The following ZNF699 variants were observed in gnomAD, a reference collection of about 807,000 sequenced individuals.
ZNF699 encodes the protein zinc finger protein 699.
Under a neutral mutation model 22.5 loss-of-function variants are expected in ZNF699, and 18 were observed. The ratio of observed to expected loss-of-function variants is 0.80; its 90% CI spans 0.55 to 1.19. The LOEUF (loss-of-function observed/expected upper bound fraction) is 1.19, where lower values mean the gene tolerates loss of function less well. Ranked by LOEUF, ZNF699 falls within the 50% of genes most tolerant of loss-of-function variation. The probability of loss-of-function intolerance (pLI) is 0.00; values close to 1 mark genes in which losing one functional copy is unlikely to be tolerated. For missense variants in ZNF699, 670 were observed against 763.4 expected, an observed-to-expected ratio of 0.88 and a Z score of 1.44; for synonymous variants, 241 against 262.3, an observed-to-expected ratio of 0.92 and a Z score of 0.78.
chr19:9,308,431 T>C (rs191186737), intron 1 of ZNF699, among the ~76,000 whole-genome samples: 1 of 152,104 alleles, frequency 6.6e-6, no homozygotes, highest in African/African-American at 2.4e-5. Flanking sequence ...AATGAATTTC[T>C]AGAAAGTAGT....
At chr19:9,307,115 T>C (rs2066330367) in intron 1 of ZNF699, among the ~76,000 whole-genome samples, 2 of 152,114 alleles carry the variant, frequency 1.3e-5, no homozygotes, top group South Asian at 4.1e-4. Context: ...GCAGGAGAAT[T>C]GTGTGAACTC....
At chr19:9,302,589 A>G (rs2144980811) in intron 2 of ZNF699, 85 bp from the exon 3 acceptor site, 1 of 1,420,528 alleles carries the variant, frequency 7.0e-7, no homozygotes, top group East Asian at 2.4e-5. Context: ...AACATCGAGG[A>G]AATGAGAGTC....
At chr19:9,300,308 CT>C (rs2144978839) in intron 3 of ZNF699, among the ~76,000 whole-genome samples, 1 of 152,308 alleles carries the variant, frequency 6.6e-6, no homozygotes, top group South Asian at 2.1e-4. Flanking sequence ...TCTCGATCTC[CT>C]GACCTCGTGA....
intron 3 of ZNF699, among the ~76,000 whole-genome samples, chr19:9,298,896 C>G (rs1039592508): frequency 6.6e-6 from 1 of 152,148 alleles, no homozygotes; most frequent in African/African-American, 2.4e-5. Flanking sequence ...AGTCAGCTGA[C>G]CTTGACAAAA....
chr19:9,302,508 A>C lies in ZNF699; in HGVS notation c.49-4T>G. 6.2e-7 allele frequency: 1 copy of C among 1,605,004 alleles called. No individual in the cohort carries two copies. The highest frequency in any genetic ancestry group is 8.5e-7 in the Non-Finnish European group (1 of 1,175,638). On this transcript the variant is annotated splice_region_variant and splice_polypyrimidine_tract_variant and intron_variant, in intron 2 of 5. Transcript: ENST00000591998. ...CATCCTCAAAGACTACTGAGTCCTA[A>C]AACATACCACAAATTCTGTTCAGAA...
At chr19:9,299,694 T>C (rs903589901) in intron 3 of ZNF699, among the ~76,000 whole-genome samples, 7 of 152,124 alleles carry the variant, frequency 4.6e-5, no homozygotes, top group African/African-American at 1.7e-4. Flanking sequence ...TTCTGCCCTC[T>C]GAAAGACAAT....
At chr19:9,308,088 G>A (rs1462573704) in intron 1 of ZNF699, among the ~76,000 whole-genome samples, 2 of 151,796 alleles carry the variant, frequency 1.3e-5, no homozygotes, top group Non-Finnish European at 1.5e-5. Flanking sequence ...AGCTAAAAAA[G>A]CATCCTTTGC....
rs1340677563 is a variant in ZNF699 at position 9,295,783 on chromosome 19, T to C, written c.1621A>G (p.Ile541Val). The C allele has an allele frequency of 1.2e-6, 2 of 1,611,228 alleles. No homozygotes were observed. Among genetic ancestry groups the C allele is most frequent in the Admixed American group, 3.3e-5 (2 of 59,790 alleles). The change falls in exon 6 of 6, where the codon ATT (isoleucine) becomes GTT (valine). Residue 541 changes from isoleucine (I) to valine (V), a missense_variant. By Grantham distance (29) the Ile-to-Val change is conservative. Coordinates refer to ENST00000591998, the MANE Select transcript of ZNF699 (RefSeq NM_198535.3). Reference sequence around the variant, plus strand: ...TGGATCCTAAGGGCTGAGGGATAAATAAAGGCTTTCCCACATTTCTTACAT... The same window carrying C: ...TGGATCCTAAGGGCTGAGGGATAAACAAAGGCTTTCCCACATTTCTTACAT... Reference protein sequence around the residue: ...YECKKCGKAFIYPSALRIHMR... With the variant: ...YECKKCGKAFVYPSALRIHMR...
Position 9,295,486 on chromosome 19 carries a change from C to A in ZNF699, c.1918G>T (p.Glu640Ter). 4 of 1,609,092 alleles carry A rather than the reference C, an allele frequency of 2.5e-6. No homozygotes were observed. The highest frequency in any genetic ancestry group is 3.4e-6 in the Non-Finnish European group (4 of 1,177,588). ...CATATTCCTTACATTTATATGTTTTCTCTAGTGTGAGTTTTCACATGCCTT... is the reference window on the plus strand; with the variant it reads ...CATATTCCTTACATTTATATGTTTTATCTAGTGTGAGTTTTCACATGCCTT... ...FRRHVKTHTRENI is the reference protein window; with the variant it reads ...FRRHVKTHTR The change falls in exon 6 of 6, where the codon GAA becomes TAA. Residue 640 changes from glutamate (E) to a stop codon, truncating the protein, a stop_gained. Transcript: ENST00000591998. LOFTEE classifies it high-confidence loss of function.
In ZNF699 at chr19:9,293,510, T is replaced by C. The variant is rs192782211; in HGVS notation, c.*1965A>G. 6.6e-6 allele frequency among the ~76,000 whole-genome samples: 1 copy of C among 152,316 alleles called. No individual in the cohort carries two copies. Among genetic ancestry groups the C allele is most frequent in the Admixed American group, 6.5e-5 (1 of 15,294 alleles). ...CAATTAAAAGTCAAACCACACATTA[T>C]GTTGAGCAAAAGAAGTCAAAACACA... On this transcript the variant is annotated 3_prime_UTR_variant, in exon 6 of 6. Coordinates refer to ENST00000591998, the MANE Select transcript of ZNF699 (RefSeq NM_198535.3).
Position 9,295,768 on chromosome 19 carries a change from G to C in ZNF699, c.1636C>G (p.Leu546Val). The change falls in exon 6 of 6, where the codon CTT becomes GTT. Residue 546 changes from leucine to valine, a missense_variant. Leu to Val is a conservative substitution (Grantham distance 32, BLOSUM62 1). Coordinates refer to ENST00000591998, the MANE Select transcript of ZNF699 (RefSeq NM_198535.3). ...CGKAFIYPSA[L>V]RIHMRTHTGE... ...GTGTGCGTTCTCATGTGGATCCTAA[G>C]GGCTGAGGGATAAATAAAGGCTTTC... 6.2e-7 allele frequency: 1 copy of C among 1,608,424 alleles called. No homozygotes were observed.
chr19:9,293,802 A>T lies in ZNF699; in HGVS notation c.*1673T>A, dbSNP rs1052307088. On this transcript the variant is annotated 3_prime_UTR_variant, in exon 6 of 6. Transcript: ENST00000591998. ...AAATAAAAAGTGATTATGGGGAAAT[A>T]GTAGAGTTATACTTTTAAAGAGAAA... Among the ~76,000 whole-genome samples, 87 of 152,294 alleles carry T rather than the reference A, an allele frequency of 5.7e-4. No homozygotes were observed. The highest frequency in any genetic ancestry group is 2.0e-3 in the African/African-American group (85 of 41,556).
intron 1 of ZNF699, 142 bp from the exon 2 acceptor site, chr19:9,305,266 TAC>T (rs755417456): frequency 0.038 from 19,909 of 521,942 alleles, no homozygotes; most frequent in East Asian, 0.051. Context: ...TCAAAACACA[TAC>T]ACACACACAC....
intron 3 of ZNF699, among the ~76,000 whole-genome samples, chr19:9,301,407 T>C (rs2066306729): frequency 6.6e-6 from 1 of 152,102 alleles, no homozygotes; most frequent in African/African-American, 2.4e-5. Flanking sequence ...AAAGGGAGTC[T>C]TTCCCCCAGA....
chr19:9,296,092 C>T lies in ZNF699; in HGVS notation c.1312G>A (p.Val438Met), dbSNP rs751969918. 6 of 1,604,770 alleles carry T rather than the reference C, an allele frequency of 3.7e-6. No homozygotes were observed. In the African/African-American group the frequency reaches 8.2e-5, roughly 22 times the overall value. Residue 438 changes from valine (V) to methionine (M), a missense_variant, in exon 6 of 6, where the codon GTG (valine) becomes ATG (methionine). Physicochemically the swap from Val to Met is conservative, Grantham distance 21 (BLOSUM62 1). Transcript: ENST00000591998. ...FYLPTSLNTH[V>M]KNQSREKPYE... ...GGTTTCTCTCGACTTTGATTTTTCA[C>T]ATGTGTATTAAGGGAAGTGGGAAGG...
At chr19:9,306,852 A>C (rs1183400401) in intron 1 of ZNF699, among the ~76,000 whole-genome samples, 1 of 152,250 alleles carries the variant, frequency 6.6e-6, no homozygotes, top group Non-Finnish European at 1.5e-5. Context: ...TAGTTTTACC[A>C]GGATTTAGCC....
chr19:9,299,077 C>A (rs1339863540), intron 3 of ZNF699, among the ~76,000 whole-genome samples: 1 of 152,248 alleles, frequency 6.6e-6, no homozygotes, highest in Non-Finnish European at 1.5e-5. Context: ...CTAGAAAACT[C>A]CTAGAAGATA....
chr19:9,296,972 C>T, intron 5 of ZNF699, 39 bp from the exon 6 acceptor site: 1 of 1,456,646 alleles, frequency 6.9e-7, no homozygotes, highest in Non-Finnish European at 9.2e-7. Flanking sequence ...TAATAAATTT[C>T]TACCAATTTC....
chr19:9,295,911 CTG>C lies in ZNF699; in HGVS notation c.1491_1492del (p.His497GlnfsTer7). 2 of 1,613,794 alleles carry C rather than the reference CTG, an allele frequency of 1.2e-6. No individual in the cohort carries two copies. The highest frequency in any genetic ancestry group is 1.7e-6 in the Non-Finnish European group (2 of 1,179,960). Reference sequence around the variant, plus strand: ...TTTACATTCATACGGCTTCTCTCCGCTGTGAGTTCTTAGGTGTTCGGTGAGGG... The same window carrying C: ...TTTACATTCATACGGCTTCTCTCCGCTGAGTTCTTAGGTGTTCGGTGAGGG... On this transcript the variant is annotated frameshift_variant, in exon 6 of 6. Coordinates refer to ENST00000591998, the MANE Select transcript of ZNF699 (RefSeq NM_198535.3). LOFTEE classifies it low-confidence loss of function (END_TRUNC).
Sources: gnomAD v4.1 joint callset for allele counts (sites outside exome capture counted in the v4.1 genomes callset) on GRCh38, gnomAD v4.1.1 for gene constraint, MANE v1.5 for transcripts, NCBI Gene and HGNC (gene_info 2026-07-23, HGNC 2026-07-21) for gene names.